Variants in RANBP17 observed in about 807,000 individuals in gnomAD.
The protein encoded by RANBP17 is RAN binding protein 17, also known as ran-binding protein 17.
RANBP17 carries 158 observed loss-of-function variants against 141.2 expected under a neutral mutation model. The ratio of observed to expected loss-of-function variants is 1.12; its 90% CI spans 0.98 to 1.28. The LOEUF (loss-of-function observed/expected upper bound fraction) is 1.28. Among genes scored for constraint, RANBP17 ranks in the 50% most tolerant of loss-of-function variants. The pLI is 0.00. For synonymous variants in RANBP17, 430 were observed against 450.0 expected (o/e 0.96, Z 0.56); for missense variants, 1,438 against 1,290.7 (o/e 1.11, Z -1.75).
intron 14 of RANBP17, among the ~76,000 whole-genome samples, chr5:171,011,450 A>C (rs530871475): frequency 6.6e-6 from 1 of 151,956 alleles, no homozygotes; most frequent in South Asian, 2.1e-4. Context: ...TTGAATTTTA[A>C]CCCATTTTTC....
chr5:171,231,145 A>G (rs1164669436), intron 22 of RANBP17, among the ~76,000 whole-genome samples: 2 of 137,676 alleles, frequency 1.5e-5, no homozygotes, highest in Non-Finnish European at 3.1e-5. Flanking sequence ...ATAGGGCCTC[A>G]CTATGTTGCC....
chr5:171,173,036 G>A (rs1051312166), intron 16 of RANBP17, among the ~76,000 whole-genome samples: 5 of 151,754 alleles, frequency 3.3e-5, no homozygotes, highest in Non-Finnish European at 5.9e-5. Flanking sequence ...ATATTTTTTA[G>A]CAATTATTTC....
chr5:170,873,616 C>G (rs1767933358), intron 1 of RANBP17, among the ~76,000 whole-genome samples: 1 of 152,112 alleles, frequency 6.6e-6, no homozygotes, highest in Admixed American at 6.5e-5. Flanking sequence ...TCTAGATTTT[C>G]TAGTTTATTT....
At chr5:171,232,412 T>A (rs149952107) in intron 22 of RANBP17, among the ~76,000 whole-genome samples, 1 of 152,344 alleles carries the variant, frequency 6.6e-6, no homozygotes, top group East Asian at 1.9e-4. Context: ...GGTCCACTTG[T>A]ACTACCATGT....
At chr5:171,109,049 T>C (rs1221966519) in intron 14 of RANBP17, among the ~76,000 whole-genome samples, 1 of 151,990 alleles carries the variant, frequency 6.6e-6, no homozygotes, top group Non-Finnish European at 1.5e-5. Flanking sequence ...AAAGGAAAAA[T>C]GAATATGTCT....
At chr5:170,879,100 T>C (rs1768439607) in intron 2 of RANBP17, among the ~76,000 whole-genome samples, 1 of 152,146 alleles carries the variant, frequency 6.6e-6, no homozygotes, top group Non-Finnish European at 1.5e-5. Flanking sequence ...ATCATCATCA[T>C]TGATTGCAGA....
intron 14 of RANBP17, among the ~76,000 whole-genome samples, chr5:171,146,453 G>A (rs569581452): frequency 6.6e-6 from 1 of 152,184 alleles, no homozygotes; most frequent in Admixed American, 6.5e-5. Flanking sequence ...GACCTTAGGG[G>A]TCAACATAGT....
chr5:170,924,737 A>G (rs1005237842), intron 12 of RANBP17, 187 bp downstream of exon 12: 1 of 437,566 alleles, frequency 2.3e-6, no homozygotes, highest in Admixed American at 3.6e-5. Flanking sequence ...TTTTTTTTTC[A>G]GTTTTCCTCT....
intron 24 of RANBP17, among the ~76,000 whole-genome samples, chr5:171,248,021 A>C (rs905332625): frequency 8.5e-5 from 13 of 152,180 alleles, no homozygotes; most frequent in African/African-American, 3.1e-4. Context: ...TGAATAGATA[A>C]TCTTATACCT....
intron 25 of RANBP17, among the ~76,000 whole-genome samples, chr5:171,286,572 T>C (rs1768183613): frequency 1.3e-5 from 2 of 152,190 alleles, no homozygotes. Context: ...TATAACTAAT[T>C]ATATGCTTAT....
chr5:171,127,750 C>T (rs1756588611), intron 14 of RANBP17, among the ~76,000 whole-genome samples: 2 of 152,156 alleles, frequency 1.3e-5, no homozygotes, highest in African/African-American at 4.8e-5. Context: ...CTGTCATACA[C>T]TCTGGGGATG....
At chr5:171,088,295 C>T (rs1348731537) in intron 14 of RANBP17, among the ~76,000 whole-genome samples, 1 of 152,090 alleles carries the variant, frequency 6.6e-6, no homozygotes, top group African/African-American at 2.4e-5. Flanking sequence ...TATTGGCCCC[C>T]ACTCTTCTGG....
chr5:171,195,830 G>A (rs555184860), intron 18 of RANBP17, among the ~76,000 whole-genome samples: 7 of 152,240 alleles, frequency 4.6e-5, no homozygotes, highest in African/African-American at 1.2e-4. Context: ...GAAGAAAATC[G>A]TACAACTTCA....
chr5:171,129,839 C>T lies in RANBP17; in HGVS notation c.1711-40291C>T, dbSNP rs575794846. On this transcript the variant is annotated intron_variant, in intron 14 of 27. Coordinates refer to ENST00000523189, the MANE Select transcript of RANBP17 (RefSeq NM_022897.5). ...TGTAGAGTTTCTCTGTTACGATGTG[C>T]AGAATGCTTAGAACAGGATAGGCCC... is the stretch of plus-strand genomic sequence containing the variant. Among the ~76,000 whole-genome samples, 4 of 152,262 alleles carry T rather than the reference C, an allele frequency of 2.6e-5. No individual in the cohort carries two copies. The South Asian group carries it at 8.3e-4, about 32-fold the overall frequency.
At chr5:171,273,719 G>A (rs1767281190) in intron 25 of RANBP17, among the ~76,000 whole-genome samples, 1 of 152,160 alleles carries the variant, frequency 6.6e-6, no homozygotes, top group Non-Finnish European at 1.5e-5. Context: ...AGGAATTTCA[G>A]AACTAAGATC....
chr5:171,201,070 A>C (rs554176263), intron 19 of RANBP17, among the ~76,000 whole-genome samples: 1 of 152,220 alleles, frequency 6.6e-6, no homozygotes, highest in Admixed American at 6.5e-5. Context: ...CATCATCTTT[A>C]TGAAAATTAC....
chr5:171,074,479 T>C (rs1784800561), intron 14 of RANBP17, among the ~76,000 whole-genome samples: 1 of 152,184 alleles, frequency 6.6e-6, no homozygotes, highest in Non-Finnish European at 1.5e-5. Flanking sequence ...TTAATAATAT[T>C]ATTGTACCAG....
intron 14 of RANBP17, among the ~76,000 whole-genome samples, chr5:171,053,115 C>T (rs779641): frequency 0.61 from 93,211 of 152,128 alleles, 29,894 homozygotes; most frequent in South Asian, 0.88. Flanking sequence ...CCACCGTGCC[C>T]GGCCATGTCT....
At chr5:171,078,392 G>C (rs1340862699) in intron 14 of RANBP17, among the ~76,000 whole-genome samples, 6 of 152,176 alleles carry the variant, frequency 3.9e-5, no homozygotes, top group African/African-American at 1.2e-4. Flanking sequence ...CTGACATCAA[G>C]TAATCCACCT....
Sources: allele counts gnomAD v4.1 joint callset (sites outside exome capture counted in the v4.1 genomes callset), GRCh38; gene constraint gnomAD v4.1.1; transcripts MANE v1.5; gene names NCBI Gene and HGNC (gene_info 2026-07-23, HGNC 2026-07-21).